SBF2: variants seen among roughly 807,000 people sequenced by gnomAD.
SBF2 encodes the protein SET binding factor 2.
In SBF2, 112 loss-of-function variants were observed where a neutral mutation model predicts 225.2. The observed-to-expected ratio is 0.50, with a 90% CI of 0.43 to 0.58. SBF2 has a LOEUF of 0.58. SBF2 is among the 20% of genes least tolerant of loss of function. The pLI, the probability that SBF2 is intolerant of heterozygous loss-of-function variation, is 0.00. For synonymous variants in SBF2, 763 were observed against 773.3 expected (o/e 0.99, Z 0.22); for missense variants, 1,996 against 2,206.2 (o/e 0.90, Z 1.91).
intron 2 of SBF2, among the ~76,000 whole-genome samples, chr11:10,134,062 G>T (rs543528443): frequency 6.6e-6 from 1 of 152,198 alleles, no homozygotes; most frequent in Non-Finnish European, 1.5e-5. Context: ...AAAGAAAGGC[G>T]TTTAATAGAC....
chr11:10,024,651 T>C (rs750900683), intron 6 of SBF2, among the ~76,000 whole-genome samples: 2 of 152,070 alleles, frequency 1.3e-5, no homozygotes, highest in Non-Finnish European at 2.9e-5. Flanking sequence ...ACAAGTCCCT[T>C]AGGCAGCTTC....
intron 1 of SBF2, among the ~76,000 whole-genome samples, chr11:10,198,041 T>A (rs1462315516): frequency 1.3e-5 from 2 of 152,208 alleles, no homozygotes; most frequent in Non-Finnish European, 2.9e-5. Flanking sequence ...CAACTTCTTC[T>A]AAGCTCCCGG....
intron 16 of SBF2, among the ~76,000 whole-genome samples, chr11:9,898,784 T>G (rs184603618): frequency 5.3e-5 from 8 of 152,344 alleles, no homozygotes; most frequent in Admixed American, 5.2e-4. Flanking sequence ...GCTTCCTATA[T>G]TATGCTAAAA....
intron 16 of SBF2, chr11:9,928,999 GC>G (rs1417998596): frequency 1.0e-5 from 5 of 482,738 alleles, no homozygotes; most frequent in Non-Finnish European, 2.0e-5. Context: ...AATGCATTTG[GC>G]CCAGGAACTG....
At chr11:10,216,134 A>G (rs1465760472) in intron 1 of SBF2, among the ~76,000 whole-genome samples, 1 of 152,216 alleles carries the variant, frequency 6.6e-6, no homozygotes, top group Non-Finnish European at 1.5e-5. Context: ...CGATGCTTCC[A>G]TAATATCTTA....
At chr11:9,927,362 A>G (rs564797076) in intron 16 of SBF2, among the ~76,000 whole-genome samples, 1 of 152,196 alleles carries the variant, frequency 6.6e-6, no homozygotes, top group Non-Finnish European at 1.5e-5. Context: ...ATTGAGCCGG[A>G]GTATGCACTT....
chr11:10,185,118 G>GA (rs778541709), intron 2 of SBF2, among the ~76,000 whole-genome samples: 1 of 150,082 alleles, frequency 6.7e-6, no homozygotes, highest in Admixed American at 6.6e-5. Context: ...CTGGGGGGGG[G>GA]TGTGTGTGTG....
At chr11:10,031,442 G>C (rs1045235323) in intron 3 of SBF2, among the ~76,000 whole-genome samples, 1 of 152,072 alleles carries the variant, frequency 6.6e-6, no homozygotes, top group African/African-American at 2.4e-5. Context: ...TTTCCTTTCT[G>C]AGTGAATCAA....
intron 2 of SBF2, among the ~76,000 whole-genome samples, chr11:10,083,220 A>G (rs1033694454): frequency 2.0e-5 from 3 of 152,202 alleles, no homozygotes; most frequent in African/African-American, 7.2e-5. Flanking sequence ...GATACTGATG[A>G]AAAAAACTGT....
intron 6 of SBF2, among the ~76,000 whole-genome samples, chr11:10,007,697 G>A (rs1948256481): frequency 6.6e-6 from 1 of 152,060 alleles, no homozygotes; most frequent in South Asian, 2.1e-4. Context: ...AAAGATGACG[G>A]CTCAAACCCC....
chr11:9,908,384 G>A (rs1203855635), intron 16 of SBF2, among the ~76,000 whole-genome samples: 1 of 152,182 alleles, frequency 6.6e-6, no homozygotes, highest in Non-Finnish European at 1.5e-5. Context: ...CCAGCACTTT[G>A]GGAGGCCGAG....
At chr11:9,833,095 C>T (rs1855493679) in intron 26 of SBF2, among the ~76,000 whole-genome samples, 1 of 152,096 alleles carries the variant, frequency 6.6e-6, no homozygotes, top group African/African-American at 2.4e-5. Context: ...ATACAGCATG[C>T]CAATATTAGA....
intron 8 of SBF2, 80 bp from the exon 9 acceptor site, chr11:9,998,459 C>T: frequency 1.3e-6 from 1 of 786,532 alleles, no homozygotes; most frequent in Non-Finnish European, 2.2e-6. Flanking sequence ...TTGACTAATT[C>T]AAAACGAGAA....
rs575749593 is a variant in SBF2, at chr11:9,794,676, C to CAAAAAAAAAAAAAAAAAA, written c.4570+1137_4570+1154dup. Among the ~76,000 whole-genome samples the CAAAAAAAAAAAAAAAAAA allele has an allele frequency of 2.3e-4, 8 of 35,354 alleles. 3 individuals are homozygous for CAAAAAAAAAAAAAAAAAA. The highest frequency in any genetic ancestry group is 2.4e-4 in the Non-Finnish European group (5 of 20,920). 23.2% of individuals were successfully genotyped at this position (35,354 alleles called of 152,430 possible). ...TGATACAGTGAGTGGGACTCCGTCT[C>CAAAAAAAAAAAAAAAAAA]AAAAAAAAAAAAAAAAAAAAAAAAA... On this transcript the variant is annotated intron_variant, in intron 33 of 39. Transcript: ENST00000256190.
intron 2 of SBF2, among the ~76,000 whole-genome samples, chr11:10,126,904 G>A (rs1214060424): frequency 1.3e-5 from 2 of 152,068 alleles, no homozygotes; most frequent in East Asian, 1.9e-4. Context: ...GACCCTTGAA[G>A]TCATTACACT....
At chr11:10,211,401 C>CA (rs1957941497) in intron 1 of SBF2, among the ~76,000 whole-genome samples, 1 of 152,166 alleles carries the variant, frequency 6.6e-6, no homozygotes, top group South Asian at 2.1e-4. Flanking sequence ...TACTGTACTT[C>CA]TTTTTGGTAG....
intron 1 of SBF2, 107 bp from the exon 2 acceptor site, chr11:10,194,094 A>C (rs893846256): frequency 1.1e-5 from 9 of 816,256 alleles, no homozygotes; most frequent in Non-Finnish European, 1.9e-5. Flanking sequence ...TAAGTTAATA[A>C]ACTGATTAAA....
At chr11:9,928,308 T>G (rs553174093) in intron 16 of SBF2, among the ~76,000 whole-genome samples, 1 of 152,110 alleles carries the variant, frequency 6.6e-6, no homozygotes, top group South Asian at 2.1e-4. Context: ...TGAACATACA[T>G]CAACAAAGAT....
Position 9,918,887 on chromosome 11 carries a change from T to C in SBF2, c.1861-22876A>G, listed in dbSNP as rs573298662. On this transcript the variant is annotated intron_variant, in intron 16 of 39. Coordinates refer to ENST00000256190, the MANE Select transcript of SBF2 (RefSeq NM_030962.4). ...CTGAGTAGCTGGGACTACAGGCGCC[T>C]GCCACCACGCCCGGCTAATTTTTTC... Among the ~76,000 whole-genome samples, 944 of 151,954 alleles carry C rather than the reference T, an allele frequency of 6.2e-3. 8 individuals carry two copies. Among genetic ancestry groups the C allele is most frequent in the Non-Finnish European group, 9.1e-3 (621 of 67,944 alleles).
Sources: gnomAD v4.1 joint callset for allele counts (sites outside exome capture counted in the v4.1 genomes callset) on GRCh38, gnomAD v4.1.1 for gene constraint, MANE v1.5 for transcripts, NCBI Gene and HGNC (gene_info 2026-07-23, HGNC 2026-07-21) for gene names.